Variants in SLC22A4 observed in about 807,000 individuals in gnomAD.
SLC22A4 encodes the protein ET transporter.
A neutral mutation model predicts 56.6 loss-of-function variants in SLC22A4; 39 were observed. That is an observed-to-expected ratio of 0.69 (90% CI 0.53 to 0.90). The LOEUF (loss-of-function observed/expected upper bound fraction) is 0.90, where lower values mean the gene tolerates loss of function less well. Ranked by LOEUF, SLC22A4 falls within the 40% of genes least tolerant of loss-of-function variation. The pLI is 0.00. For synonymous variants in SLC22A4, 241 were observed against 281.4 expected, an observed-to-expected ratio of 0.86 and a Z score of 1.44; for missense variants, 594 against 696.5, an observed-to-expected ratio of 0.85 and a Z score of 1.66.
intron 8 of SLC22A4, 130 bp from the exon 9 acceptor site, chr5:132,340,435 T>C: frequency 2.2e-6 from 2 of 916,384 alleles, no homozygotes; most frequent in East Asian, 2.4e-5. Context: ...TTGCTTACTT[T>C]TTTTTCTCTG....
intron 1 of SLC22A4, among the ~76,000 whole-genome samples, chr5:132,300,294 T>C (rs1749880692): frequency 6.6e-6 from 1 of 152,236 alleles, no homozygotes; most frequent in Non-Finnish European, 1.5e-5. Flanking sequence ...GGAATTTCTC[T>C]GCTGTAAAGG....
chr5:132,318,232 C>T (rs156322), intron 3 of SLC22A4, among the ~76,000 whole-genome samples: 107,293 of 152,074 alleles, frequency 0.71, 38,403 homozygotes, highest in African/African-American at 0.81. Flanking sequence ...CTTTCCATCA[C>T]TCCCCTGACA....
At chr5:132,311,584 G>A (rs920676209) in intron 1 of SLC22A4, 6 of 159,034 alleles carry the variant, frequency 3.8e-5, no homozygotes, top group Admixed American at 1.2e-4. Flanking sequence ...ATGGGGCCCC[G>A]AATCAGGCCA....
chr5:132,312,898 G>T (rs1433041766), intron 2 of SLC22A4, among the ~76,000 whole-genome samples: 1 of 152,220 alleles, frequency 6.6e-6, no homozygotes, highest in African/African-American at 2.4e-5. Flanking sequence ...CAAGCCAACA[G>T]CCAGAGACAT....
intron 1 of SLC22A4, among the ~76,000 whole-genome samples, chr5:132,307,407 C>T (rs1750067008): frequency 6.6e-6 from 1 of 152,160 alleles, no homozygotes; most frequent in African/African-American, 2.4e-5. Context: ...TTTATCAAAT[C>T]CCTTTTATAA....
chr5:132,299,137 C>T (rs1749847022), intron 1 of SLC22A4, among the ~76,000 whole-genome samples: 1 of 152,186 alleles, frequency 6.6e-6, no homozygotes, highest in Non-Finnish European at 1.5e-5. Flanking sequence ...TGGGGACAGA[C>T]AAGTCTGCCT....
At chr5:132,310,872 C>T (rs1027305071) in intron 1 of SLC22A4, among the ~76,000 whole-genome samples, 3 of 152,154 alleles carry the variant, frequency 2.0e-5, no homozygotes, top group South Asian at 2.1e-4. Context: ...TGCTGGGATA[C>T]GCAGAGCCAG....
rs1561531580 is a variant in SLC22A4 at position 132,294,870 on chromosome 5, G to A, written c.254G>A (p.Arg85Gln). The A allele has an allele frequency of 1.2e-6, 2 of 1,604,638 alleles. No individual in the cohort carries two copies. Among genetic ancestry groups the A allele is most frequent in the Admixed American group, 1.7e-5 (1 of 58,728 alleles). Residue 85 changes from arginine to glutamine, a missense_variant, in exon 1 of 10, where the codon CGG (arginine) becomes CAG (glutamine). Coordinates refer to ENST00000200652, the MANE Select transcript of SLC22A4 (RefSeq NM_003059.3). The surrounding 1 kb of genome is among the most constrained non-coding windows in gnomAD (Gnocchi z 5.6). Reference protein sequence around the residue: ...REVPHSCSRYRLATIANFSAL... With the variant: ...REVPHSCSRYQLATIANFSAL... Reference sequence around the variant, plus strand: ...GTGCCCCACAGCTGCAGCCGCTACCGGCTCGCCACCATCGCCAACTTCTCG... The same window carrying A: ...GTGCCCCACAGCTGCAGCCGCTACCAGCTCGCCACCATCGCCAACTTCTCG...
chr5:132,331,849 T>C lies in SLC22A4; in HGVS notation c.1045T>C (p.Trp349Arg), dbSNP rs1362938961. Residue 349 changes from tryptophan to arginine, a missense_variant and splice_region_variant, in exon 6 of 10, where the codon TGG becomes CGG. Physicochemically the swap from Trp to Arg is moderately radical, Grantham distance 101. Transcript: ENST00000200652. ...AATGACCATTATGTCTTTGCTGCTATGGTAAGTAATAAGTGACCTGGAAAT... is the reference window on the plus strand; with the variant it reads ...AATGACCATTATGTCTTTGCTGCTACGGTAAGTAATAAGTGACCTGGAAAT... Reference protein sequence around the residue: ...AIMTIMSLLLWMLTSVGYFAL... With the variant: ...AIMTIMSLLLRMLTSVGYFAL... The C allele has an allele frequency of 3.1e-6, 5 of 1,590,600 alleles. No homozygotes were observed. In the South Asian group the frequency reaches 4.4e-5, roughly 14 times the overall value.
chr5:132,294,819 C>CG lies in SLC22A4; in HGVS notation c.204dup (p.Leu69AlafsTer69). 2 of 1,611,670 alleles carry CG rather than the reference C, an allele frequency of 1.2e-6. No homozygotes were observed. The highest frequency in any genetic ancestry group is 1.7e-6 in the Non-Finnish European group (2 of 1,179,344). On this transcript the variant is annotated frameshift_variant, in exon 1 of 10. Coordinates refer to ENST00000200652, the MANE Select transcript of SLC22A4 (RefSeq NM_003059.3). LOFTEE classifies it high-confidence loss of function. The surrounding 1 kb of genome is among the most constrained non-coding windows in gnomAD (Gnocchi z 5.6). The stretch of plus-strand genomic sequence containing the variant: ...AGCGCCTGGCGCAACAACAGTGTCC[C>CG]GCTGCGGCTGCGGGACGGCCGCGAG...
chr5:132,311,236 C>T (rs879481611), intron 1 of SLC22A4: 1 of 152,190 alleles, frequency 6.6e-6, no homozygotes, highest in Non-Finnish European at 1.5e-5. Flanking sequence ...TGGATCATCT[C>T]GCCACAGACA....
intron 1 of SLC22A4, among the ~76,000 whole-genome samples, chr5:132,303,110 A>C (rs1408944091): frequency 1.3e-5 from 2 of 152,266 alleles, no homozygotes; most frequent in Non-Finnish European, 2.9e-5. Context: ...ATAACTCAGC[A>C]ATAAAAAGAC....
intron 5 of SLC22A4, among the ~76,000 whole-genome samples, chr5:132,327,625 C>T (rs536807928): frequency 2.0e-5 from 3 of 152,212 alleles, no homozygotes; most frequent in South Asian, 2.1e-4. Flanking sequence ...AAATAGCAAG[C>T]GTTCATTAAA....
At position 132,320,367 on chromosome 5, in the gene SLC22A4, G is replaced by T. The variant is rs150616870; in HGVS notation, c.653-1817G>T. On this transcript the variant is annotated intron_variant, in intron 3 of 9. Transcript: ENST00000200652. ...CACTGAATCTCTGCTTAAGAATAAA[G>T]CACCTTCTATTTATTTCCACATCAC... is the stretch of plus-strand genomic sequence containing the variant. Among the ~76,000 whole-genome samples the T allele has an allele frequency of 1.4e-3, 211 of 152,282 alleles. 2 individuals carry two copies. Among genetic ancestry groups the T allele is most frequent in the South Asian group, 9.1e-3 (44 of 4,830 alleles).
chr5:132,316,923 T>C (rs1750376159), intron 3 of SLC22A4, among the ~76,000 whole-genome samples: 1 of 152,246 alleles, frequency 6.6e-6, no homozygotes. Context: ...AAATTTATTT[T>C]CCACAGTTGT....
rs545952195 is a variant in SLC22A4 at position 132,327,220 on chromosome 5, A to G, written c.825-57A>G. 2.1e-4 allele frequency: 274 copies of G among 1,332,586 alleles called. 1 individual carries two copies. The African/African-American group carries it at 3.3e-3, about 16-fold the overall frequency. The allele number at this position is 1,332,586 out of a possible 1,614,324, so 82.5% of individuals were successfully genotyped here. A position where few individuals can be genotyped will look rare whatever the true frequency, so the allele number is the denominator to read the frequency against. ...AACTATTTGGGGGAAACTCAGATTT[A>G]ATAGTATCCAGCCCTGCTGTTGTGA... On this transcript the variant is annotated intron_variant, in intron 4 of 9. Coordinates refer to ENST00000200652, the MANE Select transcript of SLC22A4 (RefSeq NM_003059.3).
At chr5:132,342,677 T>C (rs972516336) in intron 9 of SLC22A4, among the ~76,000 whole-genome samples, 2 of 152,326 alleles carry the variant, frequency 1.3e-5, no homozygotes, top group East Asian at 3.9e-4. Flanking sequence ...GTTTGATTAT[T>C]TGCTAGAATG....
chr5:132,326,256 G>C (rs185316550), intron 4 of SLC22A4, among the ~76,000 whole-genome samples: 72 of 152,308 alleles, frequency 4.7e-4, no homozygotes, highest in African/African-American at 1.7e-3. Context: ...AGCTCAGCCT[G>C]ACCTACCTTA....
intron 9 of SLC22A4, 48 bp from the exon 10 acceptor site, chr5:132,343,712 G>A (rs1192294097): frequency 8.5e-7 from 1 of 1,176,050 alleles, no homozygotes; most frequent in South Asian, 1.3e-5. Flanking sequence ...ATTTTGAGGA[G>A]GAAAGTCTTG....
Sources: allele counts gnomAD v4.1 joint callset (sites outside exome capture counted in the v4.1 genomes callset), GRCh38; gene constraint gnomAD v4.1.1; non-coding constraint Gnocchi (gnomAD v3.1); transcripts MANE v1.5; gene names NCBI Gene and HGNC (gene_info 2026-07-23, HGNC 2026-07-21).